The following FARS2 variants were observed in gnomAD, a reference collection of about 807,000 sequenced individuals.
The protein encoded by FARS2 is phenylalanyl-tRNA synthetase 2, mitochondrial.
Under a neutral mutation model 46.4 loss-of-function variants are expected in FARS2, and 40 were observed. That is an observed-to-expected ratio of 0.86 (90% confidence interval 0.67 to 1.12). FARS2 has a LOEUF of 1.12. FARS2 is among the 50% of genes most tolerant of loss of function. FARS2 has a pLI of 0.00. For missense variants in FARS2, 513 were observed against 567.9 expected (o/e 0.90, Z 0.98); for synonymous variants, 234 against 214.9 (o/e 1.09, Z -0.78).
chr6:5,546,545 C>T (rs1056514244), intron 5 of FARS2, among the ~76,000 whole-genome samples: 7 of 151,866 alleles, frequency 4.6e-5, no homozygotes, highest in East Asian at 1.9e-4. Flanking sequence ...CCACTGCGCC[C>T]AGCCCTCATC....
intron 2 of FARS2, among the ~76,000 whole-genome samples, chr6:5,384,896 T>C (rs1760021234): frequency 6.6e-6 from 1 of 152,166 alleles, no homozygotes; most frequent in South Asian, 2.1e-4. Context: ...GCACAAAGTC[T>C]CATTGCAAGG....
At chr6:5,609,101 T>C (rs1287719039) in intron 5 of FARS2, 8 of 639,096 alleles carry the variant, frequency 1.3e-5, no homozygotes, top group South Asian at 3.1e-5. Flanking sequence ...TTGTCTAAAA[T>C]ATGTCTTCTT....
chr6:5,358,809 T>G (rs1758102229), intron 1 of FARS2, among the ~76,000 whole-genome samples: 1 of 152,096 alleles, frequency 6.6e-6, no homozygotes, highest in Non-Finnish European at 1.5e-5. Flanking sequence ...GGATTTCTTT[T>G]GGAACTAAGT....
At chr6:5,377,786 T>C (rs1759478362) in intron 2 of FARS2, among the ~76,000 whole-genome samples, 1 of 152,116 alleles carries the variant, frequency 6.6e-6, no homozygotes, top group African/African-American at 2.4e-5. Context: ...CTTGCCACTT[T>C]CCTGAGTGTT....
At chr6:5,394,312 C>T (rs974568079) in intron 2 of FARS2, among the ~76,000 whole-genome samples, 1 of 152,178 alleles carries the variant, frequency 6.6e-6, no homozygotes, top group African/African-American at 2.4e-5. Context: ...TGAAAAATTC[C>T]TATCACCTAG....
intron 4 of FARS2, among the ~76,000 whole-genome samples, chr6:5,507,449 C>G (rs769945673): frequency 3.3e-5 from 5 of 152,064 alleles, no homozygotes; most frequent in Non-Finnish European, 5.9e-5. Context: ...GAGTTTGAAG[C>G]ATGTTTCTTT....
intron 6 of FARS2, among the ~76,000 whole-genome samples, chr6:5,669,381 C>A (rs540478328): frequency 6.6e-6 from 1 of 151,756 alleles, no homozygotes; most frequent in Non-Finnish European, 1.5e-5. Context: ...CTCCCCCCAC[C>A]CCCCCGCTGC....
chr6:5,395,731 G>T (rs1760862524), intron 2 of FARS2, among the ~76,000 whole-genome samples: 1 of 152,056 alleles, frequency 6.6e-6, no homozygotes, highest in Non-Finnish European at 1.5e-5. Flanking sequence ...AATAATTTTG[G>T]GGTTGGCCAC....
At chr6:5,687,607 C>T (rs374189923) in intron 6 of FARS2, among the ~76,000 whole-genome samples, 387 of 152,252 alleles carry the variant, frequency 2.5e-3, no homozygotes, top group Non-Finnish European at 4.2e-3. Context: ...TGTAGCCTTG[C>T]AGTATAGTTT....
chr6:5,642,961 T>G (rs533442109), intron 6 of FARS2, among the ~76,000 whole-genome samples: 134 of 152,368 alleles, frequency 8.8e-4, no homozygotes, highest in Non-Finnish European at 1.5e-3. Flanking sequence ...TGGTTGGGTC[T>G]GGCCCTGCAA....
chr6:5,389,839 CGTT>C (rs762774023), intron 2 of FARS2, among the ~76,000 whole-genome samples: 21 of 135,102 alleles, frequency 1.6e-4, no homozygotes, highest in South Asian at 1.0e-3. Flanking sequence ...TTGTTTTTGT[CGTT>C]GTTGTTGTTA....
intron 4 of FARS2, among the ~76,000 whole-genome samples, chr6:5,544,292 T>C (rs1770824270): frequency 6.6e-6 from 1 of 152,206 alleles, no homozygotes; most frequent in Non-Finnish European, 1.5e-5. Flanking sequence ...TCCCATTGTG[T>C]TCCTAGATCC....
chr6:5,647,462 G>A (rs747672272), intron 6 of FARS2, among the ~76,000 whole-genome samples: 1 of 152,186 alleles, frequency 6.6e-6, no homozygotes, highest in South Asian at 2.1e-4. Flanking sequence ...GGTAGAGCAT[G>A]TTCACTTTTA....
Position 5,264,083 on chromosome 6 carries a change from C to T in FARS2, c.-22+2423C>T, listed in dbSNP as rs1765379161. 5.9e-5 allele frequency among the ~76,000 whole-genome samples: 9 copies of T among 151,980 alleles called. 2 individuals are homozygous for T. Among genetic ancestry groups the T allele is most frequent in the African/African-American group, 2.2e-4 (9 of 41,440 alleles). On this transcript the variant is annotated intron_variant, in intron 1 of 6. Coordinates refer to ENST00000274680, the MANE Select transcript of FARS2 (RefSeq NM_006567.5). ...ATCATAGCGAAACCTCACCTCTACACAAAAAATACAAAAATTAACTGGGTG... is the reference window on the plus strand; with the variant it reads ...ATCATAGCGAAACCTCACCTCTACATAAAAAATACAAAAATTAACTGGGTG...
At chr6:5,335,435 C>T (rs1771085997) in intron 1 of FARS2, among the ~76,000 whole-genome samples, 1 of 152,148 alleles carries the variant, frequency 6.6e-6, no homozygotes, top group African/African-American at 2.4e-5. Flanking sequence ...GACTCTTTTT[C>T]ATCTTGGTAT....
chr6:5,444,503 AGAGAGAGAGAGG>A (rs1255762074), intron 4 of FARS2, among the ~76,000 whole-genome samples: 2,293 of 135,862 alleles, frequency 0.017, 39 homozygotes, highest in Non-Finnish European at 0.027. Context: ...AGAGAGAGAG[AGAGAGAGAGAGG>A]AAAAAATCTT....
At chr6:5,613,117 A>T in intron 5 of FARS2, 52 bp from the exon 6 acceptor site, 1 of 1,502,518 alleles carries the variant, frequency 6.7e-7, no homozygotes, top group Admixed American at 1.9e-5. Context: ...AAATTTAAAT[A>T]TTCTCATTCA....
intron 3 of FARS2, among the ~76,000 whole-genome samples, chr6:5,414,407 C>T (rs552192508): frequency 9.1e-4 from 139 of 152,340 alleles, no homozygotes; most frequent in African/African-American, 3.2e-3. Context: ...TCTACCACCT[C>T]TTCTGCCCAC....
chr6:5,719,443 A>G (rs1209778829), intron 6 of FARS2, among the ~76,000 whole-genome samples: 1 of 2,754 alleles, frequency 3.6e-4, no homozygotes, highest in Admixed American at 4.0e-3. Flanking sequence ...GGAAAGAAAG[A>G]GAGAAAGAGA....
Sources: allele counts gnomAD v4.1 joint callset (sites outside exome capture counted in the v4.1 genomes callset), GRCh38; gene constraint gnomAD v4.1.1; transcripts MANE v1.5; gene names NCBI Gene and HGNC (gene_info 2026-07-23, HGNC 2026-07-21).